Variants in ICA1L observed in about 807,000 individuals in gnomAD.
ICA1L encodes islet cell autoantigen 1 like, also known as islet cell autoantigen 1-like protein.
A neutral mutation model predicts 61.3 loss-of-function variants in ICA1L; 50 were observed. That is an observed-to-expected ratio of 0.82 (90% confidence interval 0.65 to 1.03). The LOEUF is 1.03. Among genes scored for constraint, ICA1L ranks in the 50% least tolerant of loss-of-function variants. The pLI is 0.00. For synonymous variants in ICA1L, 161 were observed against 191.3 expected (o/e 0.84, Z 1.31); for missense variants, 508 against 556.7 (o/e 0.91, Z 0.88).
chr2:202,835,215 CTTTTTTTTTTTTT>C (rs544503963), intron 1 of ICA1L, among the ~76,000 whole-genome samples: 1 of 120,658 alleles, frequency 8.3e-6, no homozygotes, highest in Non-Finnish European at 1.7e-5. Context: ...TGATTTCTTC[CTTTTTTTTTTTTT>C]TTTTTTTTTT....
chr2:202,851,580 T>A (rs1694621683), intron 1 of ICA1L, among the ~76,000 whole-genome samples: 1 of 152,182 alleles, frequency 6.6e-6, no homozygotes, highest in African/African-American at 2.4e-5. Flanking sequence ...CCTTGAAGAA[T>A]CACCACACTG....
chr2:202,793,056 C>A (rs1365228276), intron 10 of ICA1L, among the ~76,000 whole-genome samples: 1 of 151,946 alleles, frequency 6.6e-6, no homozygotes, highest in African/African-American at 2.4e-5. Flanking sequence ...ATTCTAATAT[C>A]CAACTGTGGT....
chr2:202,864,627 A>ATGTGTGTGTGTG (rs566451955), intron 1 of ICA1L, among the ~76,000 whole-genome samples: 111 of 150,396 alleles, frequency 7.4e-4, no homozygotes, highest in Middle Eastern at 3.5e-3. Context: ...GTATATATAT[A>ATGTGTGTGTGTG]TGTGTGTGTG....
At chr2:202,834,371 G>A (rs962283558) in intron 1 of ICA1L, among the ~76,000 whole-genome samples, 3 of 152,166 alleles carry the variant, frequency 2.0e-5, no homozygotes, top group Non-Finnish European at 4.4e-5. Flanking sequence ...GCTCACACCT[G>A]TAATCCCAGC....
At chr2:202,806,705 G>T (rs1693238056) in intron 9 of ICA1L, among the ~76,000 whole-genome samples, 1 of 151,740 alleles carries the variant, frequency 6.6e-6, no homozygotes, top group Admixed American at 6.6e-5. Flanking sequence ...TTATTTATTG[G>T]TCACCTACTA....
rs1297283977 is a variant in ICA1L at position 202,819,812 on chromosome 2, A to G, written c.447T>C (p.Ile149=). 9.3e-6 allele frequency: 15 copies of G among 1,613,816 alleles called. No individual in the cohort carries two copies. Among genetic ancestry groups the G allele is most frequent in the Non-Finnish European group, 1.3e-5 (15 of 1,179,826 alleles). The part of the protein sequence containing the change: ...QRAVSDTLMT[I]NRMEQARTEY... ...CTGTGCGTGCCTGCTCCATCCGATT[A>G]ATTGTCATCAAGGTATCAGATACTG... is the stretch of plus-strand genomic sequence containing the variant. The change falls in exon 5 of 13, where the codon ATT becomes ATC. Residue 149 remains isoleucine (I), a synonymous_variant. Coordinates refer to ENST00000358299, the MANE Select transcript of ICA1L (RefSeq NM_001288622.3).
At position 202,796,971 on chromosome 2, in the gene ICA1L, C is replaced by G; in HGVS notation, c.911-7G>C. Reference sequence around the variant, plus strand: ...TCATTGTGATCTTTGTTTGCTAAATCAAAAGCACATAAAAGAGAAGTTGAA... The same window carrying G: ...TCATTGTGATCTTTGTTTGCTAAATGAAAAGCACATAAAAGAGAAGTTGAA... On this transcript the variant is annotated splice_region_variant and splice_polypyrimidine_tract_variant and intron_variant, in intron 9 of 12. Transcript: ENST00000358299. 1 of 1,579,194 alleles carries G rather than the reference C, an allele frequency of 6.3e-7. No individual in the cohort carries two copies. The highest frequency in any genetic ancestry group is 8.6e-7 in the Non-Finnish European group (1 of 1,161,912).
chr2:202,826,085 T>C (rs1559139702), intron 2 of ICA1L, among the ~76,000 whole-genome samples: 1 of 152,170 alleles, frequency 6.6e-6, no homozygotes, highest in Non-Finnish European at 1.5e-5. Context: ...AAATCTAATA[T>C]AAACTGCATC....
chr2:202,844,135 TA>T (rs762348578), intron 1 of ICA1L: 6 of 152,182 alleles, frequency 3.9e-5, no homozygotes, highest in African/African-American at 7.2e-5. Context: ...TTCTCTTGGA[TA>T]AAAATCCAGA....
At chr2:202,863,224 G>A (rs760176488) in intron 1 of ICA1L, among the ~76,000 whole-genome samples, 14 of 151,902 alleles carry the variant, frequency 9.2e-5, no homozygotes, top group East Asian at 3.9e-4. Flanking sequence ...CCCGGGAGGC[G>A]GAGGTTGCAA....
Position 202,825,780 on chromosome 2 carries a change from AT to A in ICA1L, c.163-14del. 6.6e-7 allele frequency: 1 copy of A among 1,505,156 alleles called. No individual in the cohort carries two copies. The allele number at this position is 1,505,156 out of a possible 1,614,324, so 93.2% of individuals were successfully genotyped here. On this transcript the variant is annotated splice_polypyrimidine_tract_variant and intron_variant, in intron 2 of 12. Coordinates refer to ENST00000358299, the MANE Select transcript of ICA1L (RefSeq NM_001288622.3). Reference sequence around the variant, plus strand: ...CAGAGTGAAAAACCTTGAGATATAAATTTTATTAGGACAATTTAAAGAACTA... The same window carrying A: ...CAGAGTGAAAAACCTTGAGATATAAATTTATTAGGACAATTTAAAGAACTA...
intron 1 of ICA1L, among the ~76,000 whole-genome samples, chr2:202,863,719 C>T (rs994573313): frequency 3.4e-5 from 5 of 149,120 alleles, no homozygotes; most frequent in South Asian, 2.2e-4. Context: ...CCCAGCTATT[C>T]GGGAGGCTGA....
chr2:202,835,704 C>T (rs911191029), intron 1 of ICA1L, among the ~76,000 whole-genome samples: 1 of 151,796 alleles, frequency 6.6e-6, no homozygotes, highest in Non-Finnish European at 1.5e-5. Context: ...TGCCACCACA[C>T]CTGGCTAATT....
At chr2:202,812,043 T>C (rs1693393543) in intron 8 of ICA1L, among the ~76,000 whole-genome samples, 1 of 152,118 alleles carries the variant, frequency 6.6e-6, no homozygotes, top group Admixed American at 6.5e-5. Context: ...TGCTCAGTAC[T>C]CAATCTTCAA....
At chr2:202,785,681 C>T (rs1692558339) in intron 12 of ICA1L, among the ~76,000 whole-genome samples, 1 of 152,162 alleles carries the variant, frequency 6.6e-6, no homozygotes, top group Admixed American at 6.5e-5. Flanking sequence ...CCTGCCTAGC[C>T]CTCCCAAAGT....
chr2:202,833,184 AAAAAC>A (rs1448120127), intron 1 of ICA1L, among the ~76,000 whole-genome samples: 2 of 152,194 alleles, frequency 1.3e-5, no homozygotes, highest in African/African-American at 4.8e-5. Context: ...AGTTCTCAAT[AAAAAC>A]AAAAAAAAGT....
chr2:202,862,380 G>A (rs1007802880), intron 1 of ICA1L, among the ~76,000 whole-genome samples: 1 of 150,754 alleles, frequency 6.6e-6, no homozygotes, highest in Non-Finnish European at 1.5e-5. Flanking sequence ...TTGAGCCCAG[G>A]AAGTGTGAGG....
intron 1 of ICA1L, among the ~76,000 whole-genome samples, chr2:202,864,647 G>GTA (rs756609058): frequency 1.9e-4 from 29 of 148,752 alleles, no homozygotes; most frequent in South Asian, 4.2e-4. Context: ...GTGTGTGTGT[G>GTA]TATATATATA....
At chr2:202,819,477 AT>A in intron 5 of ICA1L, 1 of 513,038 alleles carries the variant, frequency 1.9e-6, no homozygotes, top group Non-Finnish European at 3.5e-6. Flanking sequence ...CATGAGACAG[AT>A]TAAAAAATTA....
Sources: gnomAD v4.1 joint callset for allele counts (sites outside exome capture counted in the v4.1 genomes callset) on GRCh38, gnomAD v4.1.1 for gene constraint, MANE v1.5 for transcripts, NCBI Gene and HGNC (gene_info 2026-07-23, HGNC 2026-07-21) for gene names.